Variants in FMO4 observed in about 807,000 individuals in gnomAD.
The protein encoded by FMO4 is dimethylaniline monooxygenase [N-oxide-forming] 4.
In FMO4, 38 loss-of-function variants were observed where a neutral mutation model predicts 43.3. That is an observed-to-expected ratio of 0.88 (90% CI 0.68 to 1.15). The LOEUF (loss-of-function observed/expected upper bound fraction) is 1.15, where lower values mean the gene tolerates loss of function less well. Ranked by LOEUF, FMO4 falls within the 50% of genes most tolerant of loss-of-function variation. The pLI is 0.00. For missense variants in FMO4, 631 were observed against 663.3 expected (o/e 0.95, Z 0.54); for synonymous variants, 224 against 232.2 (o/e 0.96, Z 0.32).
chr1:171,339,675 T>C (rs939810214), intron 9 of FMO4, among the ~76,000 whole-genome samples: 2 of 152,158 alleles, frequency 1.3e-5, no homozygotes, highest in Admixed American at 6.6e-5. Context: ...GTGCTAAGGC[T>C]GATGCCAAGG....
intron 8 of FMO4, among the ~76,000 whole-genome samples, chr1:171,336,694 C>T (rs772526116): frequency 9.2e-5 from 14 of 152,156 alleles, no homozygotes; most frequent in Non-Finnish European, 2.1e-4. Flanking sequence ...GCCTCCATCT[C>T]CTGGGCTCAA....
At position 171,341,648 on chromosome 1, in the gene FMO4, C is replaced by A; in HGVS notation, c.1486C>A (p.Pro496Thr). Residue 496 changes from proline (P) to threonine (T), a missense_variant, in exon 10 of 10, where the codon CCT becomes ACT. Pro to Thr is a conservative substitution (Grantham distance 38). Transcript: ENST00000367749. ...ILTQWDRTLK[P>T]LKTRIVPDSS... Reference sequence around the variant, plus strand: ...GACCCAGTGGGACAGAACATTGAAACCTTTAAAAACTCGAATTGTCCCTGA... The same window carrying A: ...GACCCAGTGGGACAGAACATTGAAAACTTTAAAAACTCGAATTGTCCCTGA... The A allele has an allele frequency of 1.2e-6, 2 of 1,613,930 alleles. No homozygotes were observed. The highest frequency in any genetic ancestry group is 1.7e-6 in the Non-Finnish European group (2 of 1,179,972).
intron 3 of FMO4, among the ~76,000 whole-genome samples, 165 bp from the exon 4 acceptor site, chr1:171,322,839 T>G (rs1662490798): frequency 1.3e-5 from 2 of 151,570 alleles, no homozygotes; most frequent in African/African-American, 2.4e-5. Context: ...GGTGATAGAG[T>G]GAGACTCCAT....
chr1:171,334,322 G>A lies in FMO4; in HGVS notation c.828-89G>A, dbSNP rs1448304684. On this transcript the variant is annotated intron_variant, in intron 7 of 9. Coordinates refer to ENST00000367749, the MANE Select transcript of FMO4 (RefSeq NM_002022.3). ...TTAATTCTCTTCCTTAGCTTGGCAGGTAATTTCCCTGAATTGGCTAAGTAA... is the reference window on the plus strand; with the variant it reads ...TTAATTCTCTTCCTTAGCTTGGCAGATAATTTCCCTGAATTGGCTAAGTAA... 2.6e-6 allele frequency: 2 copies of A among 759,700 alleles called. 1 individual carries two copies. Among genetic ancestry groups the A allele is most frequent in the African/African-American group, 3.5e-5 (2 of 56,606 alleles). 47.1% of individuals were successfully genotyped at this position (759,700 alleles called of 1,614,324 possible). A position where few individuals can be genotyped will look rare whatever the true frequency, so the allele number is the denominator to read the frequency against.
At chr1:171,328,234 G>C (rs1005409013) in intron 5 of FMO4, among the ~76,000 whole-genome samples, 4 of 152,004 alleles carry the variant, frequency 2.6e-5, no homozygotes, top group Admixed American at 2.6e-4. Flanking sequence ...ATAGAGATGA[G>C]GTTTCGCCAT....
At chr1:171,340,925 T>C (rs1663348262) in intron 9 of FMO4, among the ~76,000 whole-genome samples, 1 of 152,156 alleles carries the variant, frequency 6.6e-6, no homozygotes, top group South Asian at 2.1e-4. Flanking sequence ...TTAGGGCTTT[T>C]ATTTTTTCTT....
intron 5 of FMO4, among the ~76,000 whole-genome samples, chr1:171,325,140 T>C (rs1247246843): frequency 1.3e-5 from 2 of 152,118 alleles, no homozygotes; most frequent in African/African-American, 4.8e-5. Flanking sequence ...TAAATAATCA[T>C]ACAACTCTTA....
At chr1:171,326,036 C>T (rs546943615) in intron 5 of FMO4, among the ~76,000 whole-genome samples, 13 of 151,070 alleles carry the variant, frequency 8.6e-5, no homozygotes, top group Admixed American at 2.6e-4. Flanking sequence ...TTTGCAGAGA[C>T]GGTGACTTGC....
chr1:171,322,934 G>A (rs1662494377), intron 3 of FMO4, 70 bp from the exon 4 acceptor site: 2 of 1,157,552 alleles, frequency 1.7e-6, no homozygotes, highest in African/African-American at 3.1e-5. Context: ...GCTAGCATGA[G>A]CCACCATGAT....
At position 171,319,622 on chromosome 1, in the gene FMO4, T is replaced by C. The variant is rs140182257; in HGVS notation, c.-8-196T>C. Reference sequence around the variant, plus strand: ...GGATAGTTAGCCCAAGATCACACAGTTAATAAGTAGTGAAGCCAAGACTTA... The same window carrying C: ...GGATAGTTAGCCCAAGATCACACAGCTAATAAGTAGTGAAGCCAAGACTTA... On this transcript the variant is annotated intron_variant, in intron 2 of 9. Coordinates refer to ENST00000367749, the MANE Select transcript of FMO4 (RefSeq NM_002022.3). 1.6e-3 allele frequency among the ~76,000 whole-genome samples: 251 copies of C among 152,204 alleles called. 2 individuals carry two copies. The highest frequency in any genetic ancestry group is 5.6e-3 in the African/African-American group (231 of 41,514).
Position 171,314,414 on chromosome 1 carries a change from G to GT in FMO4, c.-151+2dup, listed in dbSNP as rs1451104620. On this transcript the variant is annotated splice_donor_variant, in intron 1 of 9. Coordinates refer to ENST00000367749, the MANE Select transcript of FMO4 (RefSeq NM_002022.3). LOFTEE classifies it low-confidence loss of function (5UTR_SPLICE). ...AAGAATCTGCTCTATGCTAACCAAG[G>GT]TAAGTGTCCTGGATTTTTTTTTTAA... 3 of 151,808 alleles carry GT rather than the reference G, an allele frequency of 2.0e-5. No individual in the cohort carries two copies. The highest frequency in any genetic ancestry group is 7.3e-5 in the African/African-American group (3 of 41,278). 9.4% of individuals were successfully genotyped at this position (151,808 alleles called of 1,614,324 possible). A position where few individuals can be genotyped will look rare whatever the true frequency, so the allele number is the denominator to read the frequency against.
chr1:171,334,714 C>CTTGA lies in FMO4; in HGVS notation c.1133_1134insGATT (p.Ser379IlefsTer20), dbSNP rs1218198907. Reference sequence around the variant, plus strand: ...GCCTTATCGGCCTTAAAGGATCCATCTTATCAGGCACAGAGCTCCAAGCAC... The same window carrying CTTGA: ...GCCTTATCGGCCTTAAAGGATCCATCTTGATTATCAGGCACAGAGCTCCAAGCAC... On this transcript the variant is annotated frameshift_variant, in exon 8 of 10. Transcript: ENST00000367749. LOFTEE classifies it high-confidence loss of function. 1 of 1,605,782 alleles carries CTTGA rather than the reference C, an allele frequency of 6.2e-7. No individual in the cohort carries two copies. The highest frequency in any genetic ancestry group is 8.5e-7 in the Non-Finnish European group (1 of 1,177,674).
Position 171,334,549 on chromosome 1 carries a change from T to C in FMO4, c.966T>C (p.Asp322=), listed in dbSNP as rs138313509. The C allele has an allele frequency of 6.9e-4, 1,112 of 1,613,704 alleles. 5 individuals are homozygous for C. In the African/African-American group the frequency reaches 0.012, roughly 18 times the overall value. The change falls in exon 8 of 10, where the codon GAT becomes GAC. Residue 322 remains aspartate, a synonymous_variant. Coordinates refer to ENST00000367749, the MANE Select transcript of FMO4 (RefSeq NM_002022.3). ...ATGGGACAGTGGAAGAAAACATTGATGTTGTGATCTTCACTACAGGATATA... is the reference window on the plus strand; with the variant it reads ...ATGGGACAGTGGAAGAAAACATTGACGTTGTGATCTTCACTACAGGATATA... The part of the protein sequence containing the change: ...FEDGTVEENI[D]VVIFTTGYTF...
At chr1:171,328,037 C>CTTTA (rs145883634) in intron 5 of FMO4, among the ~76,000 whole-genome samples, 6,051 of 151,948 alleles carry the variant, frequency 0.04, 390 homozygotes, top group African/African-American at 0.13. Flanking sequence ...AGGACAAAGT[C>CTTTA]TTTATTTATT....
chr1:171,314,303 CT>C lies in FMO4; in HGVS notation c.-258del, dbSNP rs1662111408. 6.6e-6 allele frequency: 1 copy of C among 151,158 alleles called. No homozygotes were observed. The highest frequency in any genetic ancestry group is 2.4e-5 in the African/African-American group (1 of 40,916). The allele number at this position is 151,158 out of a possible 1,614,324, so 9.4% of individuals were successfully genotyped here. ...AAAAGTCATCTTTCCATTTATTTTT[CT>C]TTCAGAAAAAAGAATTTGGGTTTTG... On this transcript the variant is annotated 5_prime_UTR_variant, in exon 1 of 10. Transcript: ENST00000367749.
chr1:171,331,254 G>A (rs1157565046), intron 5 of FMO4, among the ~76,000 whole-genome samples: 1 of 152,282 alleles, frequency 6.6e-6, no homozygotes, highest in African/African-American at 2.4e-5. Flanking sequence ...TAATGGTCCT[G>A]GGAGAAGCCA....
intron 4 of FMO4, among the ~76,000 whole-genome samples, chr1:171,323,570 A>G (rs1215230510): frequency 6.6e-6 from 1 of 152,122 alleles, no homozygotes; most frequent in Non-Finnish European, 1.5e-5. Context: ...AGGCTGAAGC[A>G]TGAGAATTGC....
intron 5 of FMO4, among the ~76,000 whole-genome samples, chr1:171,325,682 C>G (rs891773224): frequency 6.6e-6 from 1 of 152,008 alleles, no homozygotes; most frequent in Non-Finnish European, 1.5e-5. Context: ...AAAAACACCT[C>G]TTATGACATT....
intron 2 of FMO4, among the ~76,000 whole-genome samples, chr1:171,316,690 TA>T (rs1384491718): frequency 6.6e-6 from 1 of 152,064 alleles, no homozygotes; most frequent in Non-Finnish European, 1.5e-5. Flanking sequence ...GACTCCCAAA[TA>T]AAAAGTCTAA....
Sources: gnomAD v4.1 joint callset for allele counts (sites outside exome capture counted in the v4.1 genomes callset) on GRCh38, gnomAD v4.1.1 for gene constraint, MANE v1.5 for transcripts, NCBI Gene and HGNC (gene_info 2026-07-23, HGNC 2026-07-21) for gene names.